The following RORA variants were observed in gnomAD, a reference collection of about 807,000 sequenced individuals.
The protein encoded by RORA is nuclear receptor ROR-alpha.
Under a neutral mutation model 69.5 loss-of-function variants are expected in RORA, and 7 were observed. The ratio of observed to expected loss-of-function variants is 0.10; its 90% CI spans 0.06 to 0.19. The LOEUF (loss-of-function observed/expected upper bound fraction) is 0.19. Among genes scored for constraint, RORA ranks in the 10% least tolerant of loss-of-function variants. The probability of loss-of-function intolerance (pLI) is 1.00; values close to 1 mark genes in which losing one functional copy is unlikely to be tolerated. For missense variants in RORA, 457 were observed against 663.0 expected, an observed-to-expected ratio of 0.69 and a Z score of 3.41; for synonymous variants, 261 against 240.8, an observed-to-expected ratio of 1.08 and a Z score of -0.78.
intron 2 of RORA, among the ~76,000 whole-genome samples, chr15:60,532,417 C>G (rs1386319936): frequency 6.6e-6 from 1 of 152,146 alleles, no homozygotes; most frequent in Non-Finnish European, 1.5e-5. Flanking sequence ...AACCTTTCAA[C>G]CATAGAGTTA....
At chr15:60,954,310 G>A (rs1165087059) in intron 1 of RORA, among the ~76,000 whole-genome samples, 2 of 124,320 alleles carry the variant, frequency 1.6e-5, no homozygotes, top group African/African-American at 6.0e-5. Context: ...GGGGTGGGGG[G>A]AGGGATAGCA....
chr15:60,528,853 G>A (rs2066443373), intron 3 of RORA: 1 of 152,212 alleles, frequency 6.6e-6, no homozygotes. Flanking sequence ...ACAGAGCAGT[G>A]GTATAGGTGC....
intron 2 of RORA, among the ~76,000 whole-genome samples, chr15:60,675,834 C>G (rs1357479628): frequency 6.6e-6 from 1 of 152,150 alleles, no homozygotes; most frequent in Non-Finnish European, 1.5e-5. Flanking sequence ...AGCTGACACT[C>G]TGGTCTGATA....
At chr15:60,516,072 TATATTTATTTA>T (rs2065904405) in intron 3 of RORA, among the ~76,000 whole-genome samples, 4 of 53,406 alleles carry the variant, frequency 7.5e-5, no homozygotes, top group African/African-American at 1.7e-4. Context: ...TATATTTATA[TATATTTATTTA>T]TATATATTTA....
intron 2 of RORA, among the ~76,000 whole-genome samples, chr15:60,594,327 T>C (rs2068620966): frequency 6.6e-6 from 1 of 152,228 alleles, no homozygotes; most frequent in South Asian, 2.1e-4. Context: ...TCATTCACAT[T>C]TGGTTATTGA....
intron 1 of RORA, among the ~76,000 whole-genome samples, chr15:61,115,102 C>T (rs111669092): frequency 1.6e-4 from 25 of 152,210 alleles, no homozygotes; most frequent in African/African-American, 6.0e-4. Flanking sequence ...CCCAGTGAAG[C>T]CTAGAGGACT....
Position 61,140,324 on chromosome 15 carries a change from T to C in RORA, c.166+88729A>G, listed in dbSNP as rs575276009. 2.0e-5 allele frequency among the ~76,000 whole-genome samples: 3 copies of C among 152,356 alleles called. No homozygotes were observed. The East Asian group carries it at 5.8e-4, about 29-fold the overall frequency. ...GCTTTTAAAGTAGGTTAAGGAATTA[T>C]GTTGCCTGGTAGGGATACTTAACAT... On this transcript the variant is annotated intron_variant, in intron 1 of 10. Transcript: ENST00000335670.
At chr15:61,096,787 A>C (rs1191746767) in intron 1 of RORA, among the ~76,000 whole-genome samples, 1 of 152,180 alleles carries the variant, frequency 6.6e-6, no homozygotes, top group Non-Finnish European at 1.5e-5. Flanking sequence ...CATCTGGATA[A>C]ATACACACTG....
chr15:60,553,110 G>A (rs185697079), intron 2 of RORA, among the ~76,000 whole-genome samples: 3 of 152,190 alleles, frequency 2.0e-5, no homozygotes, highest in Admixed American at 6.5e-5. Flanking sequence ...CTCAATGCCT[G>A]GCATACAATT....
chr15:60,631,522 C>T (rs1415881371), intron 2 of RORA, among the ~76,000 whole-genome samples: 1 of 152,022 alleles, frequency 6.6e-6, no homozygotes, highest in African/African-American at 2.4e-5. Context: ...AAGTAATTTC[C>T]CTGCAAATAT....
chr15:60,608,413 G>A (rs1424178964), intron 2 of RORA, among the ~76,000 whole-genome samples: 1 of 152,152 alleles, frequency 6.6e-6, no homozygotes, highest in East Asian at 1.9e-4. Context: ...AATCCAGCAG[G>A]CAGGAATCAT....
At chr15:61,083,043 C>T (rs879352957) in intron 1 of RORA, among the ~76,000 whole-genome samples, 1 of 152,168 alleles carries the variant, frequency 6.6e-6, no homozygotes, top group Non-Finnish European at 1.5e-5. Context: ...CGCCTTTCCA[C>T]ATGAAGCCCA....
chr15:60,545,969 A>G (rs550804509), intron 2 of RORA, among the ~76,000 whole-genome samples: 1 of 152,328 alleles, frequency 6.6e-6, no homozygotes, highest in African/African-American at 2.4e-5. Flanking sequence ...GGAAGAACTT[A>G]AAATGGAGAA....
intron 2 of RORA, among the ~76,000 whole-genome samples, chr15:60,591,801 A>G (rs934077490): frequency 1.3e-5 from 2 of 151,810 alleles, no homozygotes; most frequent in African/African-American, 4.8e-5. Flanking sequence ...GCGGCGGGAC[A>G]CAGCGCGGGA....
At chr15:60,798,089 GT>G (rs2072523420) in intron 1 of RORA, among the ~76,000 whole-genome samples, 1 of 151,874 alleles carries the variant, frequency 6.6e-6, no homozygotes. Flanking sequence ...TATTTCAAAA[GT>G]TTCCGTCTGG....
intron 2 of RORA, among the ~76,000 whole-genome samples, chr15:60,645,201 G>GCGTGATTCCTCCAC (rs1186619649): frequency 6.6e-6 from 1 of 151,968 alleles, no homozygotes; most frequent in Non-Finnish European, 1.5e-5. Context: ...GAGACTGTTG[G>GCGTGATTCCTCCAC]GCGAGGAGGA....
At chr15:61,034,197 T>C (rs552694681) in intron 1 of RORA, among the ~76,000 whole-genome samples, 3 of 152,274 alleles carry the variant, frequency 2.0e-5, no homozygotes, top group South Asian at 4.1e-4. Flanking sequence ...GGAAGAAATG[T>C]GTTGAAATTG....
At position 60,861,999 on chromosome 15, in the gene RORA, C is replaced by A. The variant is rs181296500; in HGVS notation, c.167-183313G>T. Among the ~76,000 whole-genome samples the A allele has an allele frequency of 1.9e-3, 295 of 152,338 alleles. 6 individuals carry two copies. Among genetic ancestry groups the A allele is most frequent in the South Asian group, 0.018 (86 of 4,830 alleles). Reference sequence around the variant, plus strand: ...AAGGAAAATAATTCACGAAGGTGATCAACTTTAAGTTCAAATTATATTCAC... The same window carrying A: ...AAGGAAAATAATTCACGAAGGTGATAAACTTTAAGTTCAAATTATATTCAC... On this transcript the variant is annotated intron_variant, in intron 1 of 10. Transcript: ENST00000335670.
At chr15:61,210,062 G>A (rs777767600) in intron 1 of RORA, among the ~76,000 whole-genome samples, 2 of 152,212 alleles carry the variant, frequency 1.3e-5, no homozygotes, top group Non-Finnish European at 2.9e-5. Flanking sequence ...GTCTCTGTGT[G>A]TACAGGGGCC....
Sources: gnomAD v4.1 joint callset for allele counts (sites outside exome capture counted in the v4.1 genomes callset) on GRCh38, gnomAD v4.1.1 for gene constraint, MANE v1.5 for transcripts, NCBI Gene and HGNC (gene_info 2026-07-23, HGNC 2026-07-21) for gene names.